The following FHIP2A variants were observed in gnomAD, a reference collection of about 807,000 sequenced individuals.
FHIP2A encodes the protein FHF complex subunit HOOK interacting protein 2A, also known as family with sequence similarity 160 member B1.
In FHIP2A, 46 loss-of-function variants were observed where a neutral mutation model predicts 93.5. The ratio of observed to expected loss-of-function variants is 0.49; its 90% confidence interval spans 0.39 to 0.63. The LOEUF (loss-of-function observed/expected upper bound fraction) is 0.63, where lower values mean the gene tolerates loss of function less well. FHIP2A is among the 20% of genes least tolerant of loss of function. The pLI is 0.00. For missense variants in FHIP2A, 769 were observed against 909.7 expected (o/e 0.85, Z 1.99); for synonymous variants, 332 against 326.5 (o/e 1.02, Z -0.18).
chr10:114,860,577 C>A (rs1417897945), intron 14 of FHIP2A, among the ~76,000 whole-genome samples, 172 bp from the exon 15 acceptor site: 1 of 152,132 alleles, frequency 6.6e-6, no homozygotes, highest in Admixed American at 6.5e-5. Context: ...GTCTCGAACT[C>A]CCAACCTCAG....
intron 6 of FHIP2A, 26 bp from the exon 7 acceptor site, chr10:114,843,715 T>A: frequency 6.8e-7 from 1 of 1,474,396 alleles, no homozygotes. Context: ...ATTCAAGAAT[T>A]GAAGGGGGAT....
In FHIP2A at chr10:114,822,026, T is replaced by G; in HGVS notation, c.-53T>G. ...CCGCAGCAGGGGCGGCGGCGGCGGA[T>G]CGAGGAGCTCTCCAGGTCGTCCCGG... On this transcript the variant is annotated 5_prime_UTR_variant, in exon 1 of 17. Transcript: ENST00000369248. 8.4e-7 allele frequency: 1 copy of G among 1,188,540 alleles called. No individual in the cohort carries two copies. The highest frequency in any genetic ancestry group is 1.1e-6 in the Non-Finnish European group (1 of 931,552). 73.6% of individuals were successfully genotyped at this position (1,188,540 alleles called of 1,614,324 possible).
chr10:114,880,320 C>A (rs1320769324), intron 16 of FHIP2A, among the ~76,000 whole-genome samples: 2 of 152,166 alleles, frequency 1.3e-5, no homozygotes, highest in African/African-American at 2.4e-5. Context: ...TATTAAAAGC[C>A]ATTGAACCAT....
At chr10:114,882,991 A>G (rs1396948586) in intron 16 of FHIP2A, among the ~76,000 whole-genome samples, 1 of 152,140 alleles carries the variant, frequency 6.6e-6, no homozygotes, top group African/African-American at 2.4e-5. Flanking sequence ...CAGGCGGGAA[A>G]GAGCAGCCAG....
At chr10:114,867,753 C>T (rs1034841357), downstream of FHIP2A, among the ~76,000 whole-genome samples, 1 of 152,072 alleles carries the variant, frequency 6.6e-6, no homozygotes, top group Non-Finnish European at 1.5e-5. Flanking sequence ...ACAACTCCCC[C>T]CCATTCCTGA....
chr10:114,869,109 A>G (rs962299204), downstream of FHIP2A, among the ~76,000 whole-genome samples: 1 of 152,206 alleles, frequency 6.6e-6, no homozygotes, highest in Non-Finnish European at 1.5e-5. Context: ...AGATGAGATG[A>G]CATACAAATT....
At chr10:114,842,316 C>T (rs536043816) in intron 5 of FHIP2A, among the ~76,000 whole-genome samples, 46 of 152,146 alleles carry the variant, frequency 3.0e-4, no homozygotes, top group African/African-American at 6.0e-4. Flanking sequence ...CCTCCTGCCC[C>T]GGCCTCCCAA....
chr10:114,896,373 A>G (rs1383058317), intron 16 of FHIP2A, among the ~76,000 whole-genome samples: 2 of 152,114 alleles, frequency 1.3e-5, no homozygotes, highest in Non-Finnish European at 2.9e-5. Flanking sequence ...TTCTGGGAGG[A>G]GGAAATCATA....
chr10:114,861,519 T>C lies in FHIP2A; in HGVS notation c.2277T>C (p.Tyr759=), dbSNP rs751726827. The C allele has an allele frequency of 6.2e-7, 1 of 1,613,652 alleles. No homozygotes were observed. Among genetic ancestry groups the C allele is most frequent in the South Asian group, 1.1e-5 (1 of 91,060 alleles). ...KELAAIAFVK[Y]HASSTP is the part of the protein sequence containing the mutation. Reference sequence around the variant, plus strand: ...TGGCGGCAATCGCATTTGTAAAATATCATGCTTCCTCCACACCATAAATAA... The same window carrying C: ...TGGCGGCAATCGCATTTGTAAAATACCATGCTTCCTCCACACCATAAATAA... Residue 759 remains tyrosine, a synonymous_variant, in exon 17 of 17, where the codon TAT becomes TAC. Transcript: ENST00000369248.
intron 14 of FHIP2A, among the ~76,000 whole-genome samples, chr10:114,856,002 G>C (rs1338050572): frequency 6.6e-6 from 1 of 152,152 alleles, no homozygotes; most frequent in Non-Finnish European, 1.5e-5. Context: ...TGACTCATTA[G>C]AATCTAAACC....
At chr10:114,889,485 C>A (rs987471712) in intron 16 of FHIP2A, among the ~76,000 whole-genome samples, 15 of 152,226 alleles carry the variant, frequency 9.9e-5, no homozygotes, top group African/African-American at 3.1e-4. Flanking sequence ...GTTGCCCCTG[C>A]AGATGCCTTG....
intron 14 of FHIP2A, among the ~76,000 whole-genome samples, chr10:114,858,777 G>A (rs914857939): frequency 1.3e-5 from 2 of 152,122 alleles, no homozygotes; most frequent in Non-Finnish European, 2.9e-5. Flanking sequence ...AGTACAGTTA[G>A]AAGAAATAAG....
In FHIP2A at chr10:114,849,127, CAAAAAAAAAAAAAAA is replaced by C. The variant is rs34515682; in HGVS notation, c.1803+403_1803+417del. On this transcript the variant is annotated intron_variant, in intron 13 of 16. Coordinates refer to ENST00000369248, the MANE Select transcript of FHIP2A (RefSeq NM_020940.4). ...TGGGCAAGAGAGCAAGACTCCATCTCAAAAAAAAAAAAAAAAAAAAAAAAAAAGACCTGGTCTCTG... is the reference window on the plus strand; with the variant it reads ...TGGGCAAGAGAGCAAGACTCCATCTCAAAAAAAAAAAAGACCTGGTCTCTG... Among the ~76,000 whole-genome samples, 11 of 50,446 alleles carry C rather than the reference CAAAAAAAAAAAAAAA, an allele frequency of 2.2e-4. No individual in the cohort carries two copies. In the South Asian group the frequency reaches 6.1e-3, roughly 28 times the overall value. 33.1% of individuals were successfully genotyped at this position (50,446 alleles called of 152,430 possible). A position where few individuals can be genotyped will look rare whatever the true frequency, so the allele number is the denominator to read the frequency against.
chr10:114,898,251 A>G (rs140296049), intron 16 of FHIP2A, among the ~76,000 whole-genome samples: 46 of 152,254 alleles, frequency 3.0e-4, no homozygotes, highest in African/African-American at 9.4e-4. Context: ...GTCAATAGAG[A>G]GTGCCATAGG....
intron 1 of FHIP2A, among the ~76,000 whole-genome samples, chr10:114,830,520 C>T (rs1224747849): frequency 6.6e-6 from 1 of 152,052 alleles, no homozygotes; most frequent in African/African-American, 2.4e-5. Flanking sequence ...GATTCACCTA[C>T]CTCAGCCTCC....
intron 5 of FHIP2A, among the ~76,000 whole-genome samples, chr10:114,841,169 A>G (rs570813101): frequency 1.3e-5 from 2 of 152,310 alleles, no homozygotes; most frequent in African/African-American, 4.8e-5. Flanking sequence ...ATTGAAGGAC[A>G]GAGTGCTATA....
Position 114,846,633 on chromosome 10 carries a change from C to G in FHIP2A, c.1473C>G (p.Val491=). ...KPNEHILYNL[V]LRNLEERNYT... ...ATGAGCACATTCTTTACAACTTGGTCTTGAGAAATCTTGAAGAAAGAAATT... is the reference window on the plus strand; with the variant it reads ...ATGAGCACATTCTTTACAACTTGGTGTTGAGAAATCTTGAAGAAAGAAATT... Residue 491 remains valine (V), a synonymous_variant, in exon 11 of 17, where the codon GTC becomes GTG. Coordinates refer to ENST00000369248, the MANE Select transcript of FHIP2A (RefSeq NM_020940.4). The G allele has an allele frequency of 6.2e-7, 1 of 1,611,932 alleles. No individual in the cohort carries two copies. Among genetic ancestry groups the G allele is most frequent in the African/African-American group, 1.3e-5 (1 of 74,968 alleles).
rs768207156 is a variant in FHIP2A at position 114,855,239 on chromosome 10, G to A, written c.1846G>A (p.Gly616Arg). The change falls in exon 14 of 17, where the codon GGG becomes AGG. Residue 616 changes from glycine (G) to arginine (R), a missense_variant. By Grantham distance (125) the Gly-to-Arg change is moderately radical (BLOSUM62 -2). Transcript: ENST00000369248. ...TATCTGCTTAAGATGGGAGTGGCCT[G>A]GGTCTCCAAAAGCATTGGAAAAGTG... ...CAICLRWEWP[G>R]SPKALEKCNL... 1 of 1,614,006 alleles carries A rather than the reference G, an allele frequency of 6.2e-7. No homozygotes were observed. The highest frequency in any genetic ancestry group is 8.5e-7 in the Non-Finnish European group (1 of 1,179,950).
Position 114,863,306 on chromosome 10 carries a change from G to T in FHIP2A, c.*1766G>T. 1.0e-6 allele frequency: 1 copy of T among 978,352 alleles called. No homozygotes were observed. Among genetic ancestry groups the T allele is most frequent in the South Asian group, 4.7e-5 (1 of 21,188 alleles). 60.6% of individuals were successfully genotyped at this position (978,352 alleles called of 1,614,324 possible). A position where few individuals can be genotyped will look rare whatever the true frequency, so the allele number is the denominator to read the frequency against. ...TTCGACATTTACATTTCTAGATGTA[G>T]TAACAGTCTACTTTGATATATGAGT... On this transcript the variant is annotated 3_prime_UTR_variant, in exon 17 of 17. Transcript: ENST00000369248.
Sources: allele counts gnomAD v4.1 joint callset (sites outside exome capture counted in the v4.1 genomes callset), GRCh38; gene constraint gnomAD v4.1.1; transcripts MANE v1.5; gene names NCBI Gene and HGNC (gene_info 2026-07-23, HGNC 2026-07-21).